The following GATA6 variants were observed in gnomAD, a reference collection of about 807,000 sequenced individuals.
GATA6 encodes transcription factor GATA-6.
In GATA6, 11 loss-of-function variants were observed where a neutral mutation model predicts 48.1. That is an observed-to-expected ratio of 0.23 (90% CI 0.14 to 0.38). GATA6 has a LOEUF of 0.38. Among genes scored for constraint, GATA6 ranks in the 10% least tolerant of loss-of-function variants. The pLI, the probability that GATA6 is intolerant of heterozygous loss-of-function variation, is 1.00. For missense variants in GATA6, 795 were observed against 850.3 expected, an observed-to-expected ratio of 0.93 and a Z score of 0.81; for synonymous variants, 419 against 396.1, an observed-to-expected ratio of 1.06 and a Z score of -0.69.
In GATA6 at chr18:22,171,005, C is replaced by G. The variant is rs934969536; in HGVS notation, c.-37-103C>G. ...AATGGGATCTTTGAGAAGTCAGATC[C>G]CATTTGAACTAGAAAAAGGAGTGGA... On this transcript the variant is annotated intron_variant, in intron 1 of 6. Transcript: ENST00000269216. This position sits in a 1 kb window ranked among gnomAD's most constrained non-coding sequence, Gnocchi z 7.1. The G allele has an allele frequency of 1.4e-6, 1 of 711,150 alleles. No individual in the cohort carries two copies. The highest frequency in any genetic ancestry group is 2.7e-5 in the East Asian group (1 of 36,722). 44.1% of individuals were successfully genotyped at this position (711,150 alleles called of 1,614,324 possible). A position where few individuals can be genotyped will look rare whatever the true frequency, so the allele number is the denominator to read the frequency against.
chr18:22,178,061 A>T (rs2033149251), intron 3 of GATA6, among the ~76,000 whole-genome samples: 1 of 143,700 alleles, frequency 7.0e-6, no homozygotes, highest in African/African-American at 2.6e-5. Context: ...TCCAGGGTTC[A>T]AGCGATTCTC....
Position 22,186,795 on chromosome 18 carries a change from A to G in GATA6, c.1620+3752A>G, listed in dbSNP as rs898978146. Among the ~76,000 whole-genome samples, 5 of 152,306 alleles carry G rather than the reference A, an allele frequency of 3.3e-5. No homozygotes were observed. The East Asian group carries it at 9.7e-4, about 29-fold the overall frequency. ...GTGCTGCTCTGAAGCCTCATGTCTTAGCTTTATATACTTGTTAATCTGTGC... is the reference window on the plus strand; with the variant it reads ...GTGCTGCTCTGAAGCCTCATGTCTTGGCTTTATATACTTGTTAATCTGTGC... On this transcript the variant is annotated intron_variant, in intron 6 of 6. Coordinates refer to ENST00000269216, the MANE Select transcript of GATA6 (RefSeq NM_005257.6).
chr18:22,170,967 TTGA>T lies in GATA6; in HGVS notation c.-37-140_-37-138del, dbSNP rs2033026245. ...CACGCCCGGGGCAGAAATAGGATCT[TTGA>T]GAAGTCTCAAATGGGATCTTTGAGA... On this transcript the variant is annotated intron_variant, in intron 1 of 6. Transcript: ENST00000269216. The surrounding 1 kb of genome is among the most constrained non-coding windows in gnomAD (Gnocchi z 6.7). 1.6e-6 allele frequency: 1 copy of T among 632,084 alleles called. No individual in the cohort carries two copies. The highest frequency in any genetic ancestry group is 2.5e-5 in the Admixed American group (1 of 40,132). 39.2% of individuals were successfully genotyped at this position (632,084 alleles called of 1,614,324 possible).
intron 6 of GATA6, among the ~76,000 whole-genome samples, chr18:22,198,524 A>C (rs1172313685): frequency 6.6e-6 from 1 of 152,236 alleles, no homozygotes; most frequent in Non-Finnish European, 1.5e-5. Flanking sequence ...AGTCAGATTT[A>C]GTCAGAGGCA....
At chr18:22,182,342 C>T (rs972412339) in intron 4 of GATA6, among the ~76,000 whole-genome samples, 4 of 150,966 alleles carry the variant, frequency 2.6e-5, no homozygotes, top group Middle Eastern at 3.4e-3. Flanking sequence ...GAAATTTATG[C>T]CAAGTTCTTT....
intron 6 of GATA6, among the ~76,000 whole-genome samples, chr18:22,183,497 C>T (rs1482429413): frequency 6.6e-6 from 1 of 151,944 alleles, no homozygotes; most frequent in Non-Finnish European, 1.5e-5. Flanking sequence ...CTTTTTTTAT[C>T]ATCCACCCAA....
chr18:22,181,084 T>G (rs1379395675), intron 3 of GATA6, among the ~76,000 whole-genome samples: 1 of 152,226 alleles, frequency 6.6e-6, no homozygotes, highest in Non-Finnish European at 1.5e-5. Flanking sequence ...ACCAGTAGTA[T>G]CTGGGAAACT....
At chr18:22,180,833 G>A (rs2033185296) in intron 3 of GATA6, among the ~76,000 whole-genome samples, 1 of 152,066 alleles carries the variant, frequency 6.6e-6, no homozygotes, top group Admixed American at 6.5e-5. Context: ...TTCAGGGGAA[G>A]TGGAGACTGC....
Position 22,172,035 on chromosome 18 carries a change from C to T in GATA6, c.891C>T (p.Gly297=). The T allele has an allele frequency of 8.0e-7, 1 of 1,257,598 alleles. No individual in the cohort carries two copies. The highest frequency in any genetic ancestry group is 1.0e-6 in the Non-Finnish European group (1 of 1,004,468). The allele number at this position is 1,257,598 out of a possible 1,614,324, so 77.9% of individuals were successfully genotyped here. The part of the protein sequence containing the change: ...SGGAGGVSGG[G]SSLAAMGGRE... Reference sequence around the variant, plus strand: ...GCGCGGGAGGCGTGAGCGGCGGCGGCAGTAGCCTGGCGGCCATGGGCGGCC... The same window carrying T: ...GCGCGGGAGGCGTGAGCGGCGGCGGTAGTAGCCTGGCGGCCATGGGCGGCC... The change falls in exon 2 of 7, where the codon GGC becomes GGT. Residue 297 remains glycine, a synonymous_variant. Transcript: ENST00000269216. The surrounding 1 kb of genome is among the most constrained non-coding windows in gnomAD (Gnocchi z 5.2).
chr18:22,191,574 G>A (rs1285253696), intron 6 of GATA6, among the ~76,000 whole-genome samples: 6 of 152,168 alleles, frequency 3.9e-5, no homozygotes, highest in Admixed American at 2.6e-4. Flanking sequence ...GTTACTAGCA[G>A]TATGAAGATC....
In GATA6 at chr18:22,177,952, G is replaced by GTTTTTTTTT. The variant is rs775374335; in HGVS notation, c.1302+849_1302+857dup. On this transcript the variant is annotated intron_variant, in intron 3 of 6. Transcript: ENST00000269216. ...TTCGCACACGTTTTACTGTTTTTTT[G>GTTTTTTTTT]TTTTTTTTTTTTTTTTTTTTTTTTT... Among the ~76,000 whole-genome samples the GTTTTTTTTT allele has an allele frequency of 2.3e-3, 188 of 80,512 alleles. 3 individuals are homozygous for GTTTTTTTTT. The highest frequency in any genetic ancestry group is 3.7e-3 in the Non-Finnish European group (146 of 39,204). The allele number at this position is 80,512 out of a possible 152,430, so 52.8% of individuals were successfully genotyped here.
chr18:22,196,891 C>T (rs978636649), intron 6 of GATA6, among the ~76,000 whole-genome samples: 8 of 152,026 alleles, frequency 5.3e-5, no homozygotes, highest in Middle Eastern at 3.2e-3. Context: ...AACTGTGTTC[C>T]GACTGCTTCT....
intron 6 of GATA6, among the ~76,000 whole-genome samples, chr18:22,192,161 CTCTG>C (rs2033334616): frequency 6.6e-6 from 1 of 152,198 alleles, no homozygotes; most frequent in African/African-American, 2.4e-5. Context: ...CTAGCTCCAG[CTCTG>C]TCTGTGTGAG....
intron 6 of GATA6, among the ~76,000 whole-genome samples, chr18:22,191,751 C>G (rs2033330430): frequency 6.6e-6 from 1 of 152,094 alleles, no homozygotes; most frequent in Non-Finnish European, 1.5e-5. Flanking sequence ...TTTTAAAGGC[C>G]CAGTACTCAG....
rs1226774973 is a variant in GATA6 at position 22,171,762 on chromosome 18, G to A, written c.618G>A (p.Gln206=). The A allele has an allele frequency of 7.1e-7, 1 of 1,410,794 alleles. No individual in the cohort carries two copies. Among genetic ancestry groups the A allele is most frequent in the Non-Finnish European group, 9.1e-7 (1 of 1,093,266 alleles). The allele number at this position is 1,410,794 out of a possible 1,614,324, so 87.4% of individuals were successfully genotyped here. ...SMLPGLPYHL[Q]GSGSGPANHA... ...TGCCCGGCCTACCGTACCACCTGCA[G>A]GGGTCGGGCAGTGGGCCAGCCAACC... The change falls in exon 2 of 7, where the codon CAG becomes CAA. Residue 206 remains glutamine (Q), a synonymous_variant. Transcript: ENST00000269216. This position sits in a 1 kb window ranked among gnomAD's most constrained non-coding sequence, Gnocchi z 7.1.
chr18:22,193,558 A>G (rs1187443360), intron 6 of GATA6, among the ~76,000 whole-genome samples: 1 of 152,218 alleles, frequency 6.6e-6, no homozygotes, highest in African/African-American at 2.4e-5. Context: ...TCACACAAGA[A>G]AAAGCCGTAA....
At chr18:22,173,359 G>T (rs2033080505) in intron 2 of GATA6, among the ~76,000 whole-genome samples, 1 of 152,020 alleles carries the variant, frequency 6.6e-6, no homozygotes, top group Non-Finnish European at 1.5e-5. Flanking sequence ...GAGGTGTGGG[G>T]GAGGCCCCTT....
At chr18:22,181,417 T>C in intron 3 of GATA6, 36 bp from the exon 4 acceptor site, 1 of 1,611,814 alleles carries the variant, frequency 6.2e-7, no homozygotes, top group Non-Finnish European at 8.5e-7. Flanking sequence ...ATATGTCACT[T>C]ATATTTTTCC....
intron 6 of GATA6, among the ~76,000 whole-genome samples, chr18:22,199,456 G>A (rs1401980767): frequency 6.6e-6 from 1 of 152,146 alleles, no homozygotes; most frequent in Non-Finnish European, 1.5e-5. Flanking sequence ...TTTTCAAAAA[G>A]CTTCTCAAAA....
Sources: allele counts gnomAD v4.1 joint callset (sites outside exome capture counted in the v4.1 genomes callset), GRCh38; gene constraint gnomAD v4.1.1; non-coding constraint Gnocchi (gnomAD v3.1); transcripts MANE v1.5; gene names NCBI Gene and HGNC (gene_info 2026-07-23, HGNC 2026-07-21).